The following CDCP1 variants were observed in gnomAD, a reference collection of about 807,000 sequenced individuals.
CDCP1 encodes the protein CUB domain-containing protein 1.
In CDCP1, 29 loss-of-function variants were observed where a neutral mutation model predicts 60.2. The observed-to-expected ratio is 0.48, with a 90% confidence interval of 0.36 to 0.66. The LOEUF (loss-of-function observed/expected upper bound fraction) is 0.66, where lower values mean the gene tolerates loss of function less well. Ranked by LOEUF, CDCP1 falls within the 30% of genes least tolerant of loss-of-function variation. The pLI is 0.00. For synonymous variants in CDCP1, 387 were observed against 431.1 expected (o/e 0.90, Z 1.27); for missense variants, 876 against 1,074.3 (o/e 0.82, Z 2.58).
chr3:45,115,486 T>C (rs72881513), intron 2 of CDCP1, among the ~76,000 whole-genome samples: 2,074 of 152,324 alleles, frequency 0.014, 52 homozygotes, highest in African/African-American at 0.047. Flanking sequence ...GCTGCATTGT[T>C]TTTAATGGAA....
intron 5 of CDCP1, among the ~76,000 whole-genome samples, chr3:45,094,785 A>AT (rs1157094930): frequency 6.6e-6 from 1 of 151,990 alleles, no homozygotes; most frequent in Non-Finnish European, 1.5e-5. Flanking sequence ...CAAGAGGAAG[A>AT]TTGGAAGGCT....
chr3:45,123,491 C>T lies in CDCP1; in HGVS notation c.83-4870G>A, dbSNP rs183572821. ...TATTATAGGCTCTTTTCTAGGGTCA[C>T]AGCCAAGGACACATCACTCACATGG... On this transcript the variant is annotated intron_variant, in intron 1 of 8. Transcript: ENST00000296129. 1.1e-3 allele frequency among the ~76,000 whole-genome samples: 163 copies of T among 152,308 alleles called. 2 individuals carry two copies. The highest frequency in any genetic ancestry group is 3.0e-3 in the African/African-American group (125 of 41,568).
At position 45,095,377 on chromosome 3, in the gene CDCP1, G is replaced by C; in HGVS notation, c.1216C>G (p.Arg406Gly). The C allele has an allele frequency of 6.2e-7, 1 of 1,614,130 alleles. No homozygotes were observed. Among genetic ancestry groups the C allele is most frequent in the Non-Finnish European group, 8.5e-7 (1 of 1,180,012 alleles). The stretch of plus-strand genomic sequence containing the variant: ...GTTTTTTCCACATTCATCCACAGAC[G>C]TGTCAGATCATCACAAAGGAAGGAG... Reference protein sequence around the residue: ...KISFLCDDLTRLWMNVEKTIS... With the variant: ...KISFLCDDLTGLWMNVEKTIS... Residue 406 changes from arginine to glycine, a missense_variant, in exon 5 of 9, where the codon CGT (arginine) becomes GGT (glycine). This residue lies in a region of CDCP1 where 726 missense variants were observed against 935.7 expected (regional missense o/e 0.78). Transcript: ENST00000296129.
intron 5 of CDCP1, among the ~76,000 whole-genome samples, chr3:45,094,860 C>A (rs934719731): frequency 6.6e-6 from 1 of 151,882 alleles, no homozygotes; most frequent in Non-Finnish European, 1.5e-5. Flanking sequence ...GCAGGCTCTA[C>A]CTGAGGCTGG....
chr3:45,114,053 C>T (rs941983772), intron 2 of CDCP1, among the ~76,000 whole-genome samples: 1 of 152,100 alleles, frequency 6.6e-6, no homozygotes, highest in Non-Finnish European at 1.5e-5. Context: ...ACCTGCAGGC[C>T]GTTTAAAAAC....
At chr3:45,105,477 C>A (rs973048520) in intron 4 of CDCP1, among the ~76,000 whole-genome samples, 1 of 152,180 alleles carries the variant, frequency 6.6e-6, no homozygotes, top group Non-Finnish European at 1.5e-5. Flanking sequence ...GTTAACAAAG[C>A]GTCCTGTGTA....
intron 5 of CDCP1, among the ~76,000 whole-genome samples, chr3:45,094,231 ATT>A (rs35794432): frequency 6.4e-4 from 95 of 149,270 alleles, no homozygotes; most frequent in Middle Eastern, 6.8e-3. Context: ...GTCATCAAAC[ATT>A]TTTTTTTTTT....
chr3:45,085,086 G>A lies in CDCP1; in HGVS notation c.*552C>T, dbSNP rs1035612021. 1 of 152,830 alleles carries A rather than the reference G, an allele frequency of 6.5e-6. No individual in the cohort carries two copies. The highest frequency in any genetic ancestry group is 1.5e-5 in the Non-Finnish European group (1 of 68,494). 9.5% of individuals were successfully genotyped at this position (152,830 alleles called of 1,614,324 possible). A position where few individuals can be genotyped will look rare whatever the true frequency, so the allele number is the denominator to read the frequency against. On this transcript the variant is annotated 3_prime_UTR_variant, in exon 9 of 9. Coordinates refer to ENST00000296129, the MANE Select transcript of CDCP1 (RefSeq NM_022842.5). The surrounding 1 kb of genome is among the most constrained non-coding windows in gnomAD (Gnocchi z 4.2). Reference sequence around the variant, plus strand: ...GCACACGTTTATCTAGCGGTCAGTAGAAGTCACAACCCAGGCATCCAAACC... The same window carrying A: ...GCACACGTTTATCTAGCGGTCAGTAAAAGTCACAACCCAGGCATCCAAACC...
At chr3:45,118,881 C>T (rs1698837903) in intron 1 of CDCP1, among the ~76,000 whole-genome samples, 1 of 152,242 alleles carries the variant, frequency 6.6e-6, no homozygotes. Context: ...CACTATACCA[C>T]ATTCTAGATG....
intron 8 of CDCP1, among the ~76,000 whole-genome samples, chr3:45,087,478 C>T (rs1296514531): frequency 6.6e-6 from 1 of 152,182 alleles, no homozygotes; most frequent in Non-Finnish European, 1.5e-5. Context: ...AGTGTTAATG[C>T]CATGCTTCCC....
intron 4 of CDCP1, among the ~76,000 whole-genome samples, chr3:45,103,986 G>C (rs780436265): frequency 9.2e-5 from 14 of 152,166 alleles, no homozygotes; most frequent in Non-Finnish European, 1.5e-4. Flanking sequence ...ATTCTCCCAG[G>C]TGGTCACACC....
At chr3:45,126,138 CTT>C (rs1321872620) in intron 1 of CDCP1, among the ~76,000 whole-genome samples, 2 of 138,960 alleles carry the variant, frequency 1.4e-5, no homozygotes, top group Non-Finnish European at 3.0e-5. Context: ...TTCTTTCTTT[CTT>C]TCTTTCTTTC....
At chr3:45,106,213 G>T (rs1170100710) in intron 4 of CDCP1, among the ~76,000 whole-genome samples, 1 of 151,922 alleles carries the variant, frequency 6.6e-6, no homozygotes, top group African/African-American at 2.4e-5. Context: ...CTGTTTTTTT[G>T]TAGCCTGGGC....
chr3:45,093,233 C>G, intron 6 of CDCP1, 44 bp downstream of exon 6: 2 of 1,565,780 alleles, frequency 1.3e-6, no homozygotes, highest in Non-Finnish European at 1.7e-6. Flanking sequence ...ATCAAATAAA[C>G]GCTTAAACTA....
intron 4 of CDCP1, among the ~76,000 whole-genome samples, chr3:45,096,417 G>A (rs527289887): frequency 3.0e-4 from 46 of 152,116 alleles, no homozygotes; most frequent in Non-Finnish European, 8.8e-5. Context: ...CTGAGGTCAG[G>A]AGTTCAAGAC....
Position 45,091,127 on chromosome 3 carries a change from C to A in CDCP1, c.1993+46G>T, listed in dbSNP as rs1051025069. On this transcript the variant is annotated intron_variant, in intron 7 of 8. Coordinates refer to ENST00000296129, the MANE Select transcript of CDCP1 (RefSeq NM_022842.5). This position sits in a 1 kb window ranked among gnomAD's most constrained non-coding sequence, Gnocchi z 4.8. Reference sequence around the variant, plus strand: ...GGCTTGCTCTCTATCCTCCAGCTGACAATTTTTTGTTCATCACTGTCCCCA... The same window carrying A: ...GGCTTGCTCTCTATCCTCCAGCTGAAAATTTTTTGTTCATCACTGTCCCCA... The A allele has an allele frequency of 6.4e-7, 1 of 1,569,554 alleles. No homozygotes were observed.
chr3:45,100,005 T>TATA (rs138581320), intron 4 of CDCP1, among the ~76,000 whole-genome samples: 5,702 of 152,260 alleles, frequency 0.037, 141 homozygotes, highest in South Asian at 0.082. Context: ...CTTCACCAGA[T>TATA]GTCTGGGGAT....
intron 1 of CDCP1, among the ~76,000 whole-genome samples, chr3:45,122,518 A>G (rs1215930912): frequency 6.6e-6 from 1 of 151,656 alleles, no homozygotes; most frequent in Non-Finnish European, 1.5e-5. Flanking sequence ...CCGGAGTGCA[A>G]TGGCGTGATC....
chr3:45,112,745 G>A (rs1288472231), intron 2 of CDCP1, among the ~76,000 whole-genome samples: 1 of 152,202 alleles, frequency 6.6e-6, no homozygotes, highest in Non-Finnish European at 1.5e-5. Flanking sequence ...AGCCAATAAT[G>A]GCCTCCTGCA....
Sources: allele counts gnomAD v4.1 joint callset (sites outside exome capture counted in the v4.1 genomes callset), GRCh38; gene constraint gnomAD v4.1.1; regional missense constraint gnomAD v4.1.1; non-coding constraint Gnocchi (gnomAD v3.1); transcripts MANE v1.5; gene names NCBI Gene and HGNC (gene_info 2026-07-23, HGNC 2026-07-21).